Variants in ERMP1 observed in about 807,000 individuals in gnomAD.
The protein encoded by ERMP1 is Felix-ina.
Under a neutral mutation model 92.0 loss-of-function variants are expected in ERMP1, and 86 were observed. The ratio of observed to expected loss-of-function variants is 0.93; its 90% CI spans 0.79 to 1.12. ERMP1 has a LOEUF of 1.12. Ranked by LOEUF, ERMP1 falls within the 50% of genes most tolerant of loss-of-function variation. The pLI, the probability that ERMP1 is intolerant of heterozygous loss-of-function variation, is 0.00. For synonymous variants in ERMP1, 530 were observed against 412.8 expected (o/e 1.28, Z -3.44); for missense variants, 1,342 against 1,116.3 (o/e 1.20, Z -2.88).
intron 1 of ERMP1, 75 bp from the exon 2 acceptor site, chr9:5,831,103 C>T (rs1298295255): frequency 1.0e-5 from 12 of 1,158,086 alleles, no homozygotes; most frequent in Non-Finnish European, 1.5e-5. Flanking sequence ...TTCCACTACA[C>T]ACCCCTTCCT....
chr9:5,790,795 T>C (rs1352148351), intron 13 of ERMP1, among the ~76,000 whole-genome samples: 3 of 152,182 alleles, frequency 2.0e-5, no homozygotes, highest in Non-Finnish European at 4.4e-5. Context: ...ATAGAAGATA[T>C]ATACATATAA....
chr9:5,800,589 T>A (rs1161751223), intron 11 of ERMP1, among the ~76,000 whole-genome samples: 1 of 152,056 alleles, frequency 6.6e-6, no homozygotes, highest in Non-Finnish European at 1.5e-5. Flanking sequence ...GGCAGGAGAA[T>A]CACTTGAACC....
At chr9:5,795,430 T>A (rs191905538) in intron 13 of ERMP1, among the ~76,000 whole-genome samples, 1 of 152,188 alleles carries the variant, frequency 6.6e-6, no homozygotes, top group East Asian at 1.9e-4. Context: ...ATTATAGATA[T>A]TAGGAAGGAG....
intron 4 of ERMP1, among the ~76,000 whole-genome samples, chr9:5,818,712 CAAA>C (rs112496938): frequency 7.9e-6 from 1 of 126,978 alleles, no homozygotes. Flanking sequence ...GATCCTATCT[CAAA>C]AAAAAAAAAA....
intron 6 of ERMP1, among the ~76,000 whole-genome samples, chr9:5,854,705 T>G (rs182408410): frequency 6.6e-6 from 1 of 152,220 alleles, no homozygotes; most frequent in African/African-American, 2.4e-5. Context: ...TTTCATATTT[T>G]TGGTAGATAT....
intron 4 of ERMP1, among the ~76,000 whole-genome samples, chr9:5,817,776 AC>A (rs138185008): frequency 3.9e-5 from 6 of 152,152 alleles, no homozygotes; most frequent in African/African-American, 1.2e-4. Context: ...GGGAAAACAG[AC>A]CCAGCTCAGC....
At chr9:5,858,380 C>T (rs1017757404) in intron 6 of ERMP1, among the ~76,000 whole-genome samples, 1 of 152,150 alleles carries the variant, frequency 6.6e-6, no homozygotes, top group African/African-American at 2.4e-5. Context: ...TGAACAGACC[C>T]TACGAGGACA....
At chr9:5,791,247 C>T (rs565798539) in intron 13 of ERMP1, 1 of 456,822 alleles carries the variant, frequency 2.2e-6, no homozygotes, top group Admixed American at 2.3e-5. Flanking sequence ...ATTGTTGAGG[C>T]TGGCAAGTCC....
intron 5 of ERMP1, among the ~76,000 whole-genome samples, chr9:5,866,375 A>G (rs1295166027): frequency 6.6e-6 from 1 of 152,228 alleles, no homozygotes; most frequent in African/African-American, 2.4e-5. Context: ...GGAGAGGATA[A>G]GTAGGCAGAG....
chr9:5,788,701 GA>G (rs1035736461), intron 13 of ERMP1, among the ~76,000 whole-genome samples: 12 of 149,724 alleles, frequency 8.0e-5, no homozygotes, highest in African/African-American at 2.5e-4. Context: ...ATTCCTCTTG[GA>G]AAAAAAAAGA....
At chr9:5,858,598 C>T (rs1409016930) in intron 6 of ERMP1, among the ~76,000 whole-genome samples, 7 of 152,174 alleles carry the variant, frequency 4.6e-5, no homozygotes, top group African/African-American at 1.4e-4. Flanking sequence ...CCTCCTCCTC[C>T]GGAGCACAAG....
chr9:5,857,640 T>C (rs1371509235), intron 6 of ERMP1, among the ~76,000 whole-genome samples: 1 of 152,188 alleles, frequency 6.6e-6, no homozygotes, highest in Non-Finnish European at 1.5e-5. Flanking sequence ...CAATACCATC[T>C]TATAAAGGTC....
At chr9:5,802,022 T>C (rs1828692450) in intron 10 of ERMP1, among the ~76,000 whole-genome samples, 1 of 152,216 alleles carries the variant, frequency 6.6e-6, no homozygotes, top group Non-Finnish European at 1.5e-5. Flanking sequence ...TCACAGAGTA[T>C]GTCCACAGAT....
At chr9:5,790,851 T>A (rs553831529) in intron 13 of ERMP1, among the ~76,000 whole-genome samples, 48 of 152,222 alleles carry the variant, frequency 3.2e-4, no homozygotes, top group African/African-American at 1.1e-3. Flanking sequence ...ACAAGACACA[T>A]CAATTGAGCT....
In ERMP1 at chr9:5,787,198, T is replaced by G. The variant is rs1827976873; in HGVS notation, c.2661A>C (p.Pro887=). The G allele has an allele frequency of 1.9e-6, 3 of 1,614,092 alleles. No individual in the cohort carries two copies. The highest frequency in any genetic ancestry group is 1.7e-6 in the Non-Finnish European group (2 of 1,179,976). Residue 887 remains proline, a synonymous_variant, in exon 15 of 15, where the codon CCA becomes CCC. Transcript: ENST00000339450. ...PQLDALKEKF[P]DWTFPSAWVC... ...CCCAGGCAGAGGGAAATGTCCAATC[T>G]GGGAACTTTTCCTTCAGAGCATCCA...
intron 13 of ERMP1, among the ~76,000 whole-genome samples, chr9:5,790,233 G>A (rs925184896): frequency 4.1e-5 from 6 of 147,672 alleles, no homozygotes; most frequent in Non-Finnish European, 5.9e-5. Flanking sequence ...AGGCTGGAGC[G>A]CAGTGGCGCA....
chr9:5,839,793 G>A (rs1251866209), intron 6 of ERMP1, among the ~76,000 whole-genome samples: 1 of 152,142 alleles, frequency 6.6e-6, no homozygotes, highest in Non-Finnish European at 1.5e-5. Context: ...ATGCCCAAAG[G>A]AGAAAAGAGA....
At chr9:5,831,106 C>T in intron 1 of ERMP1, 78 bp from the exon 2 acceptor site, 1 of 1,094,626 alleles carries the variant, frequency 9.1e-7, no homozygotes, top group Non-Finnish European at 1.3e-6. Flanking sequence ...CACTACACAC[C>T]CCTTCCTCCC....
Position 5,799,006 on chromosome 9 carries a change from A to G in ERMP1, c.2070T>C (p.His690=). 1 of 1,611,254 alleles carries G rather than the reference A, an allele frequency of 6.2e-7. No individual in the cohort carries two copies. The highest frequency in any genetic ancestry group is 1.1e-5 in the South Asian group (1 of 90,904). The change falls in exon 12 of 15, where the codon CAT becomes CAC. Residue 690 remains histidine, a splice_region_variant and synonymous_variant. Transcript: ENST00000339450. ...NPKPKRVFLQ[H]MTRTFHDLEG... is the part of the protein sequence containing the mutation. ...CCAAGTCATGGAATGTTCTAGTCAT[A>G]TGCTGAAAAAAAAAGACTAGTGAAA...
Sources: allele counts gnomAD v4.1 joint callset (sites outside exome capture counted in the v4.1 genomes callset), GRCh38; gene constraint gnomAD v4.1.1; transcripts MANE v1.5; gene names NCBI Gene and HGNC (gene_info 2026-07-23, HGNC 2026-07-21).